Variants in BBX observed in about 807,000 individuals in gnomAD.
The protein encoded by BBX is BBX high mobility group box domain containing.
In BBX, 30 loss-of-function variants were observed where a neutral mutation model predicts 100.2. The ratio of observed to expected loss-of-function variants is 0.30; its 90% CI spans 0.22 to 0.41. The LOEUF (loss-of-function observed/expected upper bound fraction) is 0.41, where lower values mean the gene tolerates loss of function less well. Among genes scored for constraint, BBX ranks in the 10% least tolerant of loss-of-function variants. The probability of loss-of-function intolerance (pLI) is 1.00; values close to 1 mark genes in which losing one functional copy is unlikely to be tolerated. For synonymous variants in BBX, 376 were observed against 388.1 expected (o/e 0.97, Z 0.37); for missense variants, 1,023 against 1,129.8 (o/e 0.91, Z 1.35).
chr3:107,625,759 C>T (rs2056123322), intron 2 of BBX, among the ~76,000 whole-genome samples: 1 of 152,150 alleles, frequency 6.6e-6, no homozygotes, highest in Non-Finnish European at 1.5e-5. Context: ...ATATAGGTGC[C>T]TTCATCTAGG....
In BBX at chr3:107,628,981, G is replaced by A. The variant is rs2056379769; in HGVS notation, c.-83-16855G>A. ...TGATCTTTTTCCACTTGAAAGAAGT[G>A]TTTTGATTTCTTTGTAATTGTGAAG... On this transcript the variant is annotated intron_variant, in intron 2 of 17. Transcript: ENST00000325805. Among the ~76,000 whole-genome samples, 5 of 152,126 alleles carry A rather than the reference G, an allele frequency of 3.3e-5. No homozygotes were observed. The South Asian group carries it at 8.3e-4, about 25-fold the overall frequency.
At chr3:107,602,503 C>G (rs1482113201) in intron 2 of BBX, among the ~76,000 whole-genome samples, 1 of 152,084 alleles carries the variant, frequency 6.6e-6, no homozygotes, top group Non-Finnish European at 1.5e-5. Context: ...CACTTGAGCC[C>G]AGGAGTTTGA....
At chr3:107,577,258 G>A (rs533466514) in intron 2 of BBX, among the ~76,000 whole-genome samples, 1 of 152,322 alleles carries the variant, frequency 6.6e-6, no homozygotes, top group East Asian at 1.9e-4. Flanking sequence ...TGATATGCCT[G>A]CTCTTCTCTA....
At chr3:107,634,902 G>C (rs901721142) in intron 2 of BBX, among the ~76,000 whole-genome samples, 2 of 152,104 alleles carry the variant, frequency 1.3e-5, no homozygotes, top group South Asian at 2.1e-4. Flanking sequence ...TACTCTCTTT[G>C]TCTGGAATCT....
intron 2 of BBX, among the ~76,000 whole-genome samples, chr3:107,574,643 A>G (rs2051637090): frequency 6.6e-6 from 1 of 152,218 alleles, no homozygotes; most frequent in Non-Finnish European, 1.5e-5. Flanking sequence ...GCAATATTGT[A>G]AAATCCACCT....
intron 2 of BBX, among the ~76,000 whole-genome samples, chr3:107,610,737 A>C (rs1179221975): frequency 6.8e-6 from 1 of 147,206 alleles, no homozygotes; most frequent in East Asian, 2.0e-4. Flanking sequence ...TTCACCCTTC[A>C]TGTGTCTTTA....
At chr3:107,744,952 A>T (rs2064445920) in intron 8 of BBX, among the ~76,000 whole-genome samples, 2 of 152,210 alleles carry the variant, frequency 1.3e-5, no homozygotes, top group South Asian at 4.1e-4. Flanking sequence ...TAACCTCATT[A>T]CTAATTTTTA....
chr3:107,592,285 T>C (rs1288662910), intron 2 of BBX, among the ~76,000 whole-genome samples: 2 of 131,290 alleles, frequency 1.5e-5, no homozygotes, highest in African/African-American at 5.7e-5. Context: ...CACTTGAGCC[T>C]GGGGTGTGAA....
chr3:107,774,999 A>G lies in BBX; in HGVS notation c.2054+142A>G, dbSNP rs80038560. On this transcript the variant is annotated intron_variant, in intron 12 of 17. Coordinates refer to ENST00000325805, the MANE Select transcript of BBX (RefSeq NM_001142568.3). ...TTCCTACAATCTTAGTAGGCACCCT[A>G]GTGAACACAAATCAAGTGCATCACA... 411 of 910,138 alleles carry G rather than the reference A, an allele frequency of 4.5e-4. 2 individuals carry two copies. In the African/African-American group the frequency reaches 6.5e-3, roughly 14 times the overall value. 56.4% of individuals were successfully genotyped at this position (910,138 alleles called of 1,614,324 possible). A position where few individuals can be genotyped will look rare whatever the true frequency, so the allele number is the denominator to read the frequency against.
At chr3:107,689,334 AAT>A (rs1226999588) in intron 3 of BBX, among the ~76,000 whole-genome samples, 1 of 152,208 alleles carries the variant, frequency 6.6e-6, no homozygotes, top group East Asian at 1.9e-4. Context: ...TGCTTATGAA[AAT>A]GACAAGCTTT....
At chr3:107,591,044 ACCCACCCTTGTGATTTGG>A (rs1270435570) in intron 2 of BBX, among the ~76,000 whole-genome samples, 3 of 152,198 alleles carry the variant, frequency 2.0e-5, no homozygotes, top group African/African-American at 7.2e-5. Flanking sequence ...TCCAGGCATT[ACCCACCCTTGTGATTTGG>A]CCAATTTTCT....
Position 107,613,216 on chromosome 3 carries a change from C to T in BBX, c.-83-32620C>T, listed in dbSNP as rs1374007056. ...TTTTTTTTTTTTTTTGAGATGGAGT[C>T]TCGCTCTGTCGCCCAGGCTGGAGTG... is the stretch of plus-strand genomic sequence containing the variant. On this transcript the variant is annotated intron_variant, in intron 2 of 17. Transcript: ENST00000325805. Among the ~76,000 whole-genome samples, 5 of 147,844 alleles carry T rather than the reference C, an allele frequency of 3.4e-5. No homozygotes were observed. The East Asian group carries it at 9.9e-4, about 29-fold the overall frequency.
At chr3:107,586,940 G>C (rs1007920957) in intron 2 of BBX, among the ~76,000 whole-genome samples, 6 of 151,966 alleles carry the variant, frequency 3.9e-5, no homozygotes, top group Non-Finnish European at 2.9e-5. Context: ...TAGTAGAAAT[G>C]GGGTTTCACT....
At chr3:107,573,630 A>G (rs1268118639) in intron 2 of BBX, among the ~76,000 whole-genome samples, 3 of 152,240 alleles carry the variant, frequency 2.0e-5, no homozygotes, top group Non-Finnish European at 2.9e-5. Context: ...GAAACTAAAT[A>G]TAGATTAAAC....
chr3:107,711,829 TTC>T (rs1285182532), intron 4 of BBX, among the ~76,000 whole-genome samples: 2 of 152,154 alleles, frequency 1.3e-5, no homozygotes, highest in African/African-American at 4.8e-5. Context: ...CCACTCCTGT[TTC>T]TCTTCCTTCT....
intron 2 of BBX, among the ~76,000 whole-genome samples, chr3:107,534,454 C>T (rs1465050193): frequency 6.6e-6 from 1 of 151,946 alleles, no homozygotes; most frequent in East Asian, 1.9e-4. Context: ...CTAGGGTTTC[C>T]CTCCCTTCTT....
At chr3:107,682,829 G>A (rs1460860557) in intron 3 of BBX, among the ~76,000 whole-genome samples, 3 of 152,258 alleles carry the variant, frequency 2.0e-5, no homozygotes, top group South Asian at 4.1e-4. Context: ...AGTGTGAAAA[G>A]ATGTCACGTT....
intron 3 of BBX, among the ~76,000 whole-genome samples, chr3:107,703,898 G>T (rs947225048): frequency 4.6e-5 from 7 of 152,186 alleles, no homozygotes; most frequent in Non-Finnish European, 7.3e-5. Flanking sequence ...CATGAAAAGT[G>T]GTGTTCCCTT....
intron 7 of BBX, among the ~76,000 whole-genome samples, chr3:107,741,017 TCTGGCATGTCATAGGTGC>T (rs1465671151): frequency 6.7e-6 from 1 of 150,314 alleles, no homozygotes; most frequent in Non-Finnish European, 1.5e-5. Context: ...AGTCTTTGTG[TCTGGCATGTCATAGGTGC>T]CTATTAAATA....
Sources: allele counts gnomAD v4.1 joint callset (sites outside exome capture counted in the v4.1 genomes callset), GRCh38; gene constraint gnomAD v4.1.1; transcripts MANE v1.5; gene names NCBI Gene and HGNC (gene_info 2026-07-23, HGNC 2026-07-21).